SMC2: variants seen among roughly 807,000 people sequenced by gnomAD.
SMC2 encodes the protein structural maintenance of chromosomes protein 2.
Under a neutral mutation model 142.6 loss-of-function variants are expected in SMC2, and 41 were observed. The ratio of observed to expected loss-of-function variants is 0.29; its 90% CI spans 0.22 to 0.37. The LOEUF (loss-of-function observed/expected upper bound fraction) is 0.37, where lower values mean the gene tolerates loss of function less well. Among genes scored for constraint, SMC2 ranks in the 10% least tolerant of loss-of-function variants. SMC2 has a pLI of 1.00. For missense variants in SMC2, 1,265 were observed against 1,373.7 expected (o/e 0.92, Z 1.25); for synonymous variants, 463 against 457.5 (o/e 1.01, Z -0.15).
chr9:104,113,006 T>C (rs1564087716), intron 10 of SMC2, among the ~76,000 whole-genome samples: 1 of 152,170 alleles, frequency 6.6e-6, no homozygotes, highest in Non-Finnish European at 1.5e-5. Flanking sequence ...GTTCTTTTTT[T>C]AATTACCAGC....
At chr9:104,124,607 A>T (rs538218067) in intron 17 of SMC2, among the ~76,000 whole-genome samples, 4 of 147,020 alleles carry the variant, frequency 2.7e-5, no homozygotes, top group Admixed American at 1.4e-4. Context: ...CAATTGCATT[A>T]AAAATATGAT....
chr9:104,104,735 C>T (rs1405623233), intron 9 of SMC2, among the ~76,000 whole-genome samples: 2 of 152,166 alleles, frequency 1.3e-5, no homozygotes, highest in African/African-American at 4.8e-5. Flanking sequence ...AAAACTAGTC[C>T]TTTTATTATG....
intron 23 of SMC2, among the ~76,000 whole-genome samples, chr9:104,135,535 A>G (rs755863292): frequency 9.9e-5 from 15 of 152,168 alleles, no homozygotes; most frequent in Non-Finnish European, 2.2e-4. Context: ...TCATGGCACC[A>G]TGTTTTCCAG....
intron 9 of SMC2, among the ~76,000 whole-genome samples, chr9:104,105,487 G>C (rs1831652371): frequency 6.6e-6 from 1 of 152,132 alleles, no homozygotes; most frequent in South Asian, 2.1e-4. Context: ...GCGTTTGCCA[G>C]CTAAATCTCG....
intron 21 of SMC2, among the ~76,000 whole-genome samples, chr9:104,131,522 A>C (rs1834965556): frequency 6.6e-6 from 1 of 152,136 alleles, no homozygotes; most frequent in African/African-American, 2.4e-5. Context: ...ATTAAAAAAA[A>C]GTAAGGTCCA....
intron 9 of SMC2, among the ~76,000 whole-genome samples, chr9:104,107,715 A>G (rs1309280743): frequency 6.6e-6 from 1 of 152,238 alleles, no homozygotes; most frequent in Non-Finnish European, 1.5e-5. Context: ...CTTTCTGTCC[A>G]AGTGACCTTG....
In SMC2 at chr9:104,102,200, A is replaced by G; in HGVS notation, c.870+7A>G. ...GGAAAAAAGAAAAGATAAGGTCTGAACATATGTATAAGAATCGATAATATA... is the reference window on the plus strand; with the variant it reads ...GGAAAAAAGAAAAGATAAGGTCTGAGCATATGTATAAGAATCGATAATATA... On this transcript the variant is annotated splice_region_variant and intron_variant, in intron 8 of 24. Transcript: ENST00000374793. 2 of 1,452,502 alleles carry G rather than the reference A, an allele frequency of 1.4e-6. No homozygotes were observed. Among genetic ancestry groups the G allele is most frequent in the Non-Finnish European group, 1.9e-6 (2 of 1,050,854 alleles). 90.0% of individuals were successfully genotyped at this position (1,452,502 alleles called of 1,614,324 possible). A position where few individuals can be genotyped will look rare whatever the true frequency, so the allele number is the denominator to read the frequency against.
intron 19 of SMC2, among the ~76,000 whole-genome samples, 165 bp downstream of exon 19, chr9:104,126,949 C>CATAGGTCA (rs1816546407): frequency 6.6e-6 from 1 of 152,174 alleles, no homozygotes; most frequent in Admixed American, 6.5e-5. Flanking sequence ...TTTGGGATCA[C>CATAGGTCA]ATAGGTCAGT....
At chr9:104,103,723 T>A (rs987064192) in intron 9 of SMC2, among the ~76,000 whole-genome samples, 3 of 152,222 alleles carry the variant, frequency 2.0e-5, no homozygotes, top group Non-Finnish European at 4.4e-5. Context: ...GGTATACATT[T>A]GCCTTTTCAC....
chr9:104,123,241 A>AAAAC lies in SMC2; in HGVS notation c.2257+11_2257+14dup, dbSNP rs759511012. On this transcript the variant is annotated intron_variant, in intron 17 of 24. Transcript: ENST00000374793. The stretch of plus-strand genomic sequence containing the variant: ...CCTTAAAAAAACCATTGGTAAGATG[A>AAAAC]AAACAGTCCATGCTTAATCTCTGGT... 24 of 1,610,996 alleles carry AAAAC rather than the reference A, an allele frequency of 1.5e-5. No homozygotes were observed. The highest frequency in any genetic ancestry group is 2.2e-5 in the East Asian group (1 of 44,666).
intron 11 of SMC2, 122 bp from the exon 12 acceptor site, chr9:104,113,842 T>C (rs990954404): frequency 1.6e-6 from 1 of 625,812 alleles, no homozygotes; most frequent in Non-Finnish European, 2.7e-6. Context: ...CATGCTTTTT[T>C]AATACTTACA....
At chr9:104,134,295 C>G (rs1835297808) in intron 22 of SMC2, 120 bp from the exon 23 acceptor site, 1 of 610,106 alleles carries the variant, frequency 1.6e-6, no homozygotes, top group East Asian at 2.9e-5. Context: ...CATAGTTTGT[C>G]AGCCCCTGAG....
In SMC2 at chr9:104,133,146, T is replaced by G. The variant is rs1835170606; in HGVS notation, c.3108+1021T>G. Among the ~76,000 whole-genome samples, 3 of 152,184 alleles carry G rather than the reference T, an allele frequency of 2.0e-5. No individual in the cohort carries two copies. In the South Asian group the frequency reaches 6.2e-4, roughly 31 times the overall value. On this transcript the variant is annotated intron_variant, in intron 22 of 24. Coordinates refer to ENST00000374793, the MANE Select transcript of SMC2 (RefSeq NM_006444.3). ...CTTTTTTTGTTTTTGGTTTGTTTTC[T>G]TCATAGCCTCATTGGACTTGCAGAA... is the stretch of plus-strand genomic sequence containing the variant.
At position 104,116,031 on chromosome 9, in the gene SMC2, G is replaced by T. The variant is rs548578198; in HGVS notation, c.1672-169G>T. 8.1e-4 allele frequency among the ~76,000 whole-genome samples: 89 copies of T among 109,570 alleles called. 1 individual carries two copies. Among genetic ancestry groups the T allele is most frequent in the Middle Eastern group, 4.8e-3 (1 of 208 alleles). 71.9% of individuals were successfully genotyped at this position (109,570 alleles called of 152,430 possible). On this transcript the variant is annotated intron_variant, in intron 13 of 24. Transcript: ENST00000374793. ...GGGTTTATTCATGTTGTCCCAAATG[G>T]CAGCATCTCCTTTTTCAAGTTCAAA... is the stretch of plus-strand genomic sequence containing the variant.
At chr9:104,108,532 A>T (rs1832074251) in intron 9 of SMC2, among the ~76,000 whole-genome samples, 1 of 152,094 alleles carries the variant, frequency 6.6e-6, no homozygotes, top group Admixed American at 6.5e-5. Flanking sequence ...CCCTCTCGGG[A>T]TCCATCTGAC....
intron 9 of SMC2, among the ~76,000 whole-genome samples, chr9:104,105,804 G>T (rs1053012438): frequency 6.6e-6 from 1 of 152,146 alleles, no homozygotes. Flanking sequence ...GTCCCTGTGG[G>T]CTATGACAGA....
intron 17 of SMC2, 52 bp from the exon 18 acceptor site, chr9:104,124,860 G>C (rs1016428937): frequency 7.1e-7 from 1 of 1,401,980 alleles, no homozygotes; most frequent in African/African-American, 1.5e-5. Flanking sequence ...AGTTGAATTT[G>C]TCAACCTTTA....
chr9:104,123,384 A>G (rs1424076538), intron 17 of SMC2, 152 bp downstream of exon 17: 1 of 597,966 alleles, frequency 1.7e-6, no homozygotes, highest in Non-Finnish European at 2.6e-6. Flanking sequence ...GTCTTAGGGT[A>G]TGGTCATTTT....
intron 4 of SMC2, 61 bp downstream of exon 4, chr9:104,098,629 G>A: frequency 1.3e-6 from 2 of 1,488,590 alleles, no homozygotes; most frequent in Non-Finnish European, 1.8e-6. Context: ...TTACTTTTAA[G>A]CAATTAAAAT....
Sources: allele counts gnomAD v4.1 joint callset (sites outside exome capture counted in the v4.1 genomes callset), GRCh38; gene constraint gnomAD v4.1.1; transcripts MANE v1.5; gene names NCBI Gene and HGNC (gene_info 2026-07-23, HGNC 2026-07-21).